Variants in ELSPBP1 observed in about 807,000 individuals in gnomAD.
The protein encoded by ELSPBP1 is epididymal sperm binding protein 1.
ELSPBP1 carries 38 observed loss-of-function variants against 33.3 expected under a neutral mutation model. The observed-to-expected ratio is 1.14, with a 90% CI of 0.88 to 1.50. The LOEUF (loss-of-function observed/expected upper bound fraction) is 1.50. ELSPBP1 is among the 40% of genes most tolerant of loss of function. The pLI, the probability that ELSPBP1 is intolerant of heterozygous loss-of-function variation, is 0.00. For missense variants in ELSPBP1, 267 were observed against 263.5 expected, an observed-to-expected ratio of 1.01 and a Z score of -0.09; for synonymous variants, 85 against 94.1, an observed-to-expected ratio of 0.90 and a Z score of 0.56.
intron 1 of ELSPBP1, among the ~76,000 whole-genome samples, chr19:47,996,507 TAGAC>T (rs1159690843): frequency 3.3e-5 from 5 of 151,796 alleles, no homozygotes; most frequent in Middle Eastern, 3.2e-3. Flanking sequence ...GGAGAATTGA[TAGAC>T]AGATGGAAGA....
rs998296757 is a variant in ELSPBP1, at chr19:48,021,919, AT to A, written c.515-243del. ...ACACCACACCCAACTAATTAAAAAA[AT>A]TTTTTTTGTAGGGACGGGGTTTCAC... On this transcript the variant is annotated intron_variant, in intron 5 of 6. Transcript: ENST00000339841. Among the ~76,000 whole-genome samples, 7 of 151,940 alleles carry A rather than the reference AT, an allele frequency of 4.6e-5. No homozygotes were observed. In the East Asian group the frequency reaches 9.7e-4, roughly 21 times the overall value.
rs1268661206 is a variant in ELSPBP1 at position 48,017,882 on chromosome 19, G to GCTTTTT, written c.356-1837_356-1836insCTTTTT. ...ATGGCATTCCAGCCTGGGCAACAGA[G>GCTTTTT]TGAGATCTTGTCTCAAAAAAAAAAA... On this transcript the variant is annotated intron_variant, in intron 4 of 6. Transcript: ENST00000339841. Among the ~76,000 whole-genome samples, 12 of 115,908 alleles carry GCTTTTT rather than the reference G, an allele frequency of 1.0e-4. No homozygotes were observed. In the Admixed American group the frequency reaches 1.4e-3, roughly 13 times the overall value. The allele number at this position is 115,908 out of a possible 152,430, so 76.0% of individuals were successfully genotyped here.
At chr19:48,003,619 C>G (rs1428996025) in intron 1 of ELSPBP1, among the ~76,000 whole-genome samples, 1 of 150,922 alleles carries the variant, frequency 6.6e-6, no homozygotes, top group Non-Finnish European at 1.5e-5. Context: ...TCACTGCAAC[C>G]TCCGCCTCCT....
chr19:47,997,877 G>T (rs1966925925), intron 1 of ELSPBP1, among the ~76,000 whole-genome samples: 1 of 152,164 alleles, frequency 6.6e-6, no homozygotes. Flanking sequence ...ACACATCTGT[G>T]ATAAAAACTT....
intron 6 of ELSPBP1, among the ~76,000 whole-genome samples, chr19:48,024,356 C>T (rs984228228): frequency 4.6e-5 from 7 of 151,864 alleles, no homozygotes; most frequent in Non-Finnish European, 8.8e-5. Context: ...ACTGACCTCA[C>T]TGCTCTGTGA....
At chr19:48,022,483 C>T (rs1026561684) in intron 6 of ELSPBP1, 149 bp downstream of exon 6, 4 of 633,916 alleles carry the variant, frequency 6.3e-6, no homozygotes, top group African/African-American at 5.6e-5. Context: ...TGTTGCTTTT[C>T]CAGCATGTCT....
chr19:48,018,980 C>T (rs1967169986), intron 4 of ELSPBP1, among the ~76,000 whole-genome samples: 1 of 152,058 alleles, frequency 6.6e-6, no homozygotes, highest in Non-Finnish European at 1.5e-5. Context: ...ATGGTGAAAC[C>T]CCTTCTCTAA....
In ELSPBP1 at chr19:48,019,829, A is replaced by G. The variant is rs373949467; in HGVS notation, c.466A>G (p.Thr156Ala). ...DESNKLWCPT[T>A]ENMDKDGKWS... is the part of the protein sequence containing the mutation. ...AAGCAACAAGCTCTGGTGCCCAACC[A>G]CAGAGAACATGGATAAGGATGGAAA... Residue 156 changes from threonine (T) to alanine (A), a missense_variant, in exon 5 of 7, where the codon ACA (threonine) becomes GCA (alanine). Thr to Ala is a moderately conservative substitution (Grantham distance 58, BLOSUM62 0). Coordinates refer to ENST00000339841, the MANE Select transcript of ELSPBP1 (RefSeq NM_022142.5). 15 of 1,613,936 alleles carry G rather than the reference A, an allele frequency of 9.3e-6. No individual in the cohort carries two copies. Among genetic ancestry groups the G allele is most frequent in the Non-Finnish European group, 1.2e-5 (14 of 1,179,978 alleles).
At chr19:48,014,507 C>T (rs925281124) in intron 3 of ELSPBP1, among the ~76,000 whole-genome samples, 199 bp downstream of exon 3, 1 of 120,770 alleles carries the variant, frequency 8.3e-6, no homozygotes, top group Non-Finnish European at 1.6e-5. Flanking sequence ...GGGAACATCA[C>T]ACACCGGGGA....
At chr19:48,012,685 C>A (rs1967090836) in intron 2 of ELSPBP1, among the ~76,000 whole-genome samples, 2 of 152,144 alleles carry the variant, frequency 1.3e-5, no homozygotes. Flanking sequence ...AGTTCCTGTA[C>A]TCATTGAGAA....
At chr19:48,024,066 T>C (rs1967244839) in intron 6 of ELSPBP1, among the ~76,000 whole-genome samples, 1 of 148,504 alleles carries the variant, frequency 6.7e-6, no homozygotes, top group Middle Eastern at 3.5e-3. Flanking sequence ...GTATTTTTAG[T>C]AGAGACGGGG....
At chr19:48,002,211 A>G (rs7257199) in intron 1 of ELSPBP1, among the ~76,000 whole-genome samples, 17,370 of 152,254 alleles carry the variant, frequency 0.11, 1,104 homozygotes, top group Middle Eastern at 0.19. Context: ...TCACAAAGGT[A>G]GTAAGAGGCA....
chr19:48,006,931 T>C (rs1600103969), intron 1 of ELSPBP1, among the ~76,000 whole-genome samples: 1 of 152,062 alleles, frequency 6.6e-6, no homozygotes, highest in Admixed American at 6.6e-5. Context: ...AGCCAAGCAC[T>C]GTTGGGAGAG....
At chr19:48,019,448 C>T (rs1187079712) in intron 4 of ELSPBP1, among the ~76,000 whole-genome samples, 1 of 152,208 alleles carries the variant, frequency 6.6e-6, no homozygotes, top group Non-Finnish European at 1.5e-5. Flanking sequence ...TCTTCCTGGG[C>T]AAGAATTTCC....
At chr19:48,024,352 C>T (rs1209222172) in intron 6 of ELSPBP1, among the ~76,000 whole-genome samples, 1 of 151,940 alleles carries the variant, frequency 6.6e-6, no homozygotes, top group African/African-American at 2.4e-5. Context: ...ATCAACTGAC[C>T]TCACTGCTCT....
intron 1 of ELSPBP1, 91 bp from the exon 2 acceptor site, chr19:48,008,560 A>G: frequency 1.2e-6 from 1 of 840,656 alleles, no homozygotes. Flanking sequence ...GTGGATGGAA[A>G]GAAAAATGGC....
chr19:48,002,570 C>A (rs1323156867), intron 1 of ELSPBP1, among the ~76,000 whole-genome samples: 1 of 152,182 alleles, frequency 6.6e-6, no homozygotes, highest in East Asian at 1.9e-4. Context: ...GTAAGCAGAT[C>A]ACTTGGGGTC....
chr19:48,021,267 A>G (rs1368612201), intron 5 of ELSPBP1, among the ~76,000 whole-genome samples: 2 of 152,120 alleles, frequency 1.3e-5, no homozygotes, highest in African/African-American at 4.8e-5. Context: ...GCCAAGGGGG[A>G]ACAAGGGGGT....
chr19:47,999,254 C>T (rs1966942956), intron 1 of ELSPBP1, among the ~76,000 whole-genome samples: 1 of 152,072 alleles, frequency 6.6e-6, no homozygotes, highest in Admixed American at 6.6e-5. Context: ...TGGTAGAATA[C>T]ACATAAGATT....
Sources: allele counts gnomAD v4.1 joint callset (sites outside exome capture counted in the v4.1 genomes callset), GRCh38; gene constraint gnomAD v4.1.1; transcripts MANE v1.5; gene names NCBI Gene and HGNC (gene_info 2026-07-23, HGNC 2026-07-21).